Variants in TACR3 observed in about 807,000 individuals in gnomAD.
TACR3 encodes the protein tachykinin receptor 3, also known as neuromedin-K receptor.
In TACR3, 34 loss-of-function variants were observed where a neutral mutation model predicts 35.0. The observed-to-expected ratio is 0.97, with a 90% CI of 0.74 to 1.30. The LOEUF (loss-of-function observed/expected upper bound fraction) is 1.30, where lower values mean the gene tolerates loss of function less well. Among genes scored for constraint, TACR3 ranks in the 50% most tolerant of loss-of-function variants. The pLI, the probability that TACR3 is intolerant of heterozygous loss-of-function variation, is 0.00. For missense variants in TACR3, 558 were observed against 591.7 expected (o/e 0.94, Z 0.59); for synonymous variants, 233 against 221.1 (o/e 1.05, Z -0.48).
intron 1 of TACR3, among the ~76,000 whole-genome samples, chr4:103,705,507 A>G (rs1458456909): frequency 6.7e-6 from 1 of 149,532 alleles, no homozygotes; most frequent in Non-Finnish European, 1.5e-5. Context: ...CAAGTCTCTT[A>G]GACCAAATTA....
intron 3 of TACR3, among the ~76,000 whole-genome samples, chr4:103,645,931 T>C (rs559721584): frequency 2.2e-4 from 33 of 152,074 alleles, no homozygotes; most frequent in African/African-American, 8.0e-4. Context: ...ATCTTTCACA[T>C]CCAAGACCCT....
chr4:103,594,701 A>C (rs1723968363), intron 3 of TACR3, among the ~76,000 whole-genome samples: 2 of 152,246 alleles, frequency 1.3e-5, no homozygotes, highest in Admixed American at 6.5e-5. Context: ...ATAGTGCAAA[A>C]AGTTCAGAAA....
intron 1 of TACR3, among the ~76,000 whole-genome samples, chr4:103,701,989 G>A (rs1722661449): frequency 6.6e-6 from 1 of 152,054 alleles, no homozygotes; most frequent in Non-Finnish European, 1.5e-5. Flanking sequence ...CATAGGCACG[G>A]GCAAGGACTT....
chr4:103,606,773 A>G (rs1724380320), intron 3 of TACR3, among the ~76,000 whole-genome samples: 1 of 152,112 alleles, frequency 6.6e-6, no homozygotes, highest in Non-Finnish European at 1.5e-5. Context: ...GCAAACAGGG[A>G]CAATTTGACT....
intron 3 of TACR3, among the ~76,000 whole-genome samples, chr4:103,623,244 AC>A (rs1724822598): frequency 6.6e-6 from 1 of 152,058 alleles, no homozygotes. Context: ...AAAACTATAA[AC>A]TTTTTTCCAC....
intron 1 of TACR3, among the ~76,000 whole-genome samples, chr4:103,687,426 G>T (rs1267019376): frequency 2.6e-5 from 4 of 152,084 alleles, no homozygotes; most frequent in East Asian, 1.9e-4. Context: ...GAAATAAAGG[G>T]TATTCAGTTA....
chr4:103,685,310 T>A (rs1397770440), intron 1 of TACR3, among the ~76,000 whole-genome samples: 3 of 152,140 alleles, frequency 2.0e-5, no homozygotes, highest in Admixed American at 2.0e-4. Context: ...GATATTTGTA[T>A]GCCAAAAATA....
chr4:103,615,061 ATTTTTTTGTAT>A (rs1560807515), intron 3 of TACR3, among the ~76,000 whole-genome samples: 3 of 151,246 alleles, frequency 2.0e-5, no homozygotes, highest in African/African-American at 7.3e-5. Context: ...CGCCTGGCTA[ATTTTTTTGTAT>A]TTTTTAGTAG....
Position 103,587,481 on chromosome 4 carries a change from C to T in TACR3, c.*2201G>A, listed in dbSNP as rs563453572. The T allele has an allele frequency of 3.9e-5, 6 of 152,110 alleles. No individual in the cohort carries two copies. The East Asian group carries it at 5.8e-4, about 15-fold the overall frequency. The allele number at this position is 152,110 out of a possible 1,614,324, so 9.4% of individuals were successfully genotyped here. A position where few individuals can be genotyped will look rare whatever the true frequency, so the allele number is the denominator to read the frequency against. ...CAAAGCAAACCAACAATCCAACTGA[C>T]GAGGCCAGTATTTTTCCTTAGAAAT... On this transcript the variant is annotated 3_prime_UTR_variant, in exon 5 of 5. Transcript: ENST00000304883.
At chr4:103,655,945 ATACTT>A (rs1725725087) in intron 3 of TACR3, among the ~76,000 whole-genome samples, 1 of 152,094 alleles carries the variant, frequency 6.6e-6, no homozygotes. Flanking sequence ...GTAATTAAGA[ATACTT>A]TACAAAAGGC....
intron 3 of TACR3, among the ~76,000 whole-genome samples, chr4:103,602,081 A>G (rs113924279): frequency 0.031 from 4,696 of 152,084 alleles, 219 homozygotes; most frequent in African/African-American, 0.11. Context: ...GGCTTTGTTC[A>G]TTTCTTTTTA....
chr4:103,679,995 C>T lies in TACR3; in HGVS notation c.549-21592G>A, dbSNP rs534329285. On this transcript the variant is annotated intron_variant, in intron 1 of 4. Coordinates refer to ENST00000304883, the MANE Select transcript of TACR3 (RefSeq NM_001059.3). ...AATGAGAAGCTGTATTATTATATTGCTAAGTAATTATGTTTCTTTATAGTA... is the reference window on the plus strand; with the variant it reads ...AATGAGAAGCTGTATTATTATATTGTTAAGTAATTATGTTTCTTTATAGTA... 2.6e-5 allele frequency among the ~76,000 whole-genome samples: 4 copies of T among 151,842 alleles called. No individual in the cohort carries two copies. The South Asian group carries it at 8.3e-4, about 32-fold the overall frequency.
chr4:103,635,824 A>G (rs74497790), intron 3 of TACR3, among the ~76,000 whole-genome samples: 3,960 of 152,034 alleles, frequency 0.026, 175 homozygotes, highest in African/African-American at 0.09. Flanking sequence ...GAAAACAATG[A>G]TCCTACCAAC....
intron 1 of TACR3, among the ~76,000 whole-genome samples, chr4:103,706,032 C>T (rs1722779639): frequency 6.6e-6 from 1 of 152,032 alleles, no homozygotes; most frequent in African/African-American, 2.4e-5. Context: ...ACCAATTAGG[C>T]AATTTTAGTA....
intron 3 of TACR3, among the ~76,000 whole-genome samples, chr4:103,596,848 G>A (rs1319068851): frequency 1.3e-5 from 2 of 151,592 alleles, no homozygotes; most frequent in Non-Finnish European, 2.9e-5. Context: ...GTGAGAACAT[G>A]CAGTTTGGTT....
chr4:103,708,383 C>A (rs554096886), intron 1 of TACR3, among the ~76,000 whole-genome samples: 29 of 152,312 alleles, frequency 1.9e-4, no homozygotes, highest in Middle Eastern at 3.4e-3. Flanking sequence ...ACTGCTGATA[C>A]CCTGGCAAAC....
chr4:103,696,066 T>A (rs1381179382), intron 1 of TACR3, among the ~76,000 whole-genome samples: 1 of 152,156 alleles, frequency 6.6e-6, no homozygotes, highest in Non-Finnish European at 1.5e-5. Flanking sequence ...TAAGTTACAA[T>A]GTTTGGTAAA....
intron 1 of TACR3, among the ~76,000 whole-genome samples, chr4:103,715,308 C>A (rs1485006976): frequency 6.6e-6 from 1 of 152,070 alleles, no homozygotes. Context: ...GGTGCTGTCT[C>A]CTGATAGAGT....
intron 3 of TACR3, among the ~76,000 whole-genome samples, chr4:103,648,834 C>CTATTTT (rs1052370990): frequency 2.0e-5 from 3 of 151,972 alleles, no homozygotes; most frequent in African/African-American, 7.2e-5. Flanking sequence ...TATGGTAGTG[C>CTATTTT]TATTTTTATT....
Sources: gnomAD v4.1 joint callset for allele counts (sites outside exome capture counted in the v4.1 genomes callset) on GRCh38, gnomAD v4.1.1 for gene constraint, MANE v1.5 for transcripts, NCBI Gene and HGNC (gene_info 2026-07-23, HGNC 2026-07-21) for gene names.